Variants in QTMAN observed in about 807,000 individuals in gnomAD.
QTMAN encodes the protein tRNA-queuosine alpha-mannosyltransferase.
the QTMAN span, among the ~76,000 whole-genome samples, chr2:144,059,862 A>AAGG: frequency 7.9e-5 from 12 of 151,928 alleles, no homozygotes; most frequent in Non-Finnish European, 1.5e-4. Context: ...CCAAAATTTC[A>AAGG]TCTCTCAGGG....
the QTMAN span, among the ~76,000 whole-genome samples, chr2:144,256,204 C>T: frequency 6.6e-6 from 1 of 152,102 alleles, no homozygotes; most frequent in Non-Finnish European, 1.5e-5. Flanking sequence ...AGAAGCTGAT[C>T]ATATGTGATT....
chr2:144,065,776 T>C, the QTMAN span, among the ~76,000 whole-genome samples: 1 of 152,052 alleles, frequency 6.6e-6, no homozygotes, highest in African/African-American at 2.4e-5. Flanking sequence ...TTTTTTTTTT[T>C]TTTGCAAGAC....
chr2:144,324,337 A>G, the QTMAN span, among the ~76,000 whole-genome samples: 3 of 152,170 alleles, frequency 2.0e-5, no homozygotes, highest in African/African-American at 7.2e-5. Context: ...TACAAAACCT[A>G]CTTCCTTTTA....
chr2:144,125,086 G>A, the QTMAN span, among the ~76,000 whole-genome samples: 1 of 152,060 alleles, frequency 6.6e-6, no homozygotes, highest in Admixed American at 6.6e-5. Context: ...GCCCATGGCA[G>A]ACATTACTAA....
chr2:144,028,341 C>G, the QTMAN span, among the ~76,000 whole-genome samples: 5 of 152,118 alleles, frequency 3.3e-5, no homozygotes, highest in Non-Finnish European at 7.4e-5. Context: ...GAAAGTGAAC[C>G]TAGAGAGTTA....
the QTMAN span, chr2:144,141,951 T>C: frequency 1.9e-6 from 3 of 1,611,410 alleles, no homozygotes; most frequent in East Asian, 4.5e-5. Context: ...GCTTTCCAGA[T>C]CCTTGGGTCT....
At chr2:144,220,364 C>T in the QTMAN span, among the ~76,000 whole-genome samples, 2 of 152,052 alleles carry the variant, frequency 1.3e-5, no homozygotes, top group African/African-American at 4.8e-5. Flanking sequence ...CTACTATTGT[C>T]CAAAGTTTCT....
the QTMAN span, among the ~76,000 whole-genome samples, chr2:144,019,435 G>GGTGTGTGTGT: frequency 0.038 from 4,469 of 117,100 alleles, 145 homozygotes; most frequent in Non-Finnish European, 0.051. Flanking sequence ...TAAGCATGCA[G>GGTGTGTGTGT]GTGTGTGTGT....
At chr2:144,013,443 A>G in the QTMAN span, among the ~76,000 whole-genome samples, 2 of 152,210 alleles carry the variant, frequency 1.3e-5, no homozygotes, top group African/African-American at 2.4e-5. Flanking sequence ...CATATTTTAT[A>G]TAATAGAGAT....
the QTMAN span, among the ~76,000 whole-genome samples, chr2:144,153,189 C>T: frequency 6.6e-6 from 1 of 152,192 alleles, no homozygotes; most frequent in East Asian, 1.9e-4. Context: ...GAAGTTTGTA[C>T]TTTATCTTTC....
the QTMAN span, chr2:143,952,165 C>T: frequency 4.0e-6 from 3 of 758,832 alleles, no homozygotes; most frequent in Non-Finnish European, 7.1e-6. Flanking sequence ...ATGCATATTG[C>T]TCTGTGCCGC....
chr2:144,225,833 C>T, the QTMAN span, among the ~76,000 whole-genome samples: 2 of 152,306 alleles, frequency 1.3e-5, no homozygotes, highest in East Asian at 3.9e-4. Context: ...CACCACAATC[C>T]CTCTTATACT....
the QTMAN span, among the ~76,000 whole-genome samples, chr2:144,272,013 C>T: frequency 2.0e-5 from 3 of 152,102 alleles, no homozygotes; most frequent in South Asian, 6.2e-4. Flanking sequence ...TTTAAACATC[C>T]TCTATATGTG....
chr2:144,177,061 A>G, the QTMAN span: 1 of 658,852 alleles, frequency 1.5e-6, no homozygotes. Flanking sequence ...AGATTTCATA[A>G]GAATTCTATC....
chr2:144,223,690 A>G, the QTMAN span, among the ~76,000 whole-genome samples: 1 of 152,246 alleles, frequency 6.6e-6, no homozygotes, highest in Non-Finnish European at 1.5e-5. Flanking sequence ...GTGAAACTTG[A>G]CATAAAATAC....
the QTMAN span, among the ~76,000 whole-genome samples, chr2:144,232,695 A>G: frequency 1.3e-5 from 2 of 152,200 alleles, no homozygotes; most frequent in African/African-American, 2.4e-5. Flanking sequence ...ATCACTCTAA[A>G]AAATCTAATT....
At chr2:144,188,615 G>A in the QTMAN span, among the ~76,000 whole-genome samples, 1 of 152,010 alleles carries the variant, frequency 6.6e-6, no homozygotes, top group Non-Finnish European at 1.5e-5. Context: ...GGCATGGATA[G>A]GGATTGAGAA....
At chr2:144,058,988 T>C in the QTMAN span, among the ~76,000 whole-genome samples, 1 of 152,216 alleles carries the variant, frequency 6.6e-6, no homozygotes, top group African/African-American at 2.4e-5. Context: ...CAGTTAAATA[T>C]ATAACAAGGA....
chr2:143,987,568 A>G, the QTMAN span, among the ~76,000 whole-genome samples: 1 of 152,196 alleles, frequency 6.6e-6, no homozygotes, highest in Non-Finnish European at 1.5e-5. Context: ...TCTCTGAGGC[A>G]GAAGTCTCAA....
Sources: gnomAD v4.1 joint callset for allele counts (sites outside exome capture counted in the v4.1 genomes callset) on GRCh38, gnomAD v4.1.1 for gene constraint, MANE v1.5 for transcripts, NCBI Gene and HGNC (gene_info 2026-07-23, HGNC 2026-07-21) for gene names.